PRKDC: variants seen among roughly 807,000 people sequenced by gnomAD.
PRKDC encodes protein kinase, DNA-activated, catalytic subunit.
A neutral mutation model predicts 486.9 loss-of-function variants in PRKDC; 82 were observed. The ratio of observed to expected loss-of-function variants is 0.17; its 90% CI spans 0.14 to 0.20. The LOEUF is 0.20. Ranked by LOEUF, PRKDC falls within the 10% of genes least tolerant of loss-of-function variation. The pLI, the probability that PRKDC is intolerant of heterozygous loss-of-function variation, is 1.00. For synonymous variants in PRKDC, 1,895 were observed against 1,837.0 expected (o/e 1.03, Z -0.81); for missense variants, 4,504 against 5,038.2 (o/e 0.89, Z 3.21).
intron 77 of PRKDC, among the ~76,000 whole-genome samples, chr8:47,784,421 G>A (rs1158343779): frequency 6.6e-6 from 1 of 152,032 alleles, no homozygotes; most frequent in Non-Finnish European, 1.5e-5. Flanking sequence ...ACATTTAAAT[G>A]TTTTTCTTGA....
intron 40 of PRKDC, among the ~76,000 whole-genome samples, chr8:47,872,740 A>T (rs934247694): frequency 6.6e-6 from 1 of 152,206 alleles, no homozygotes; most frequent in African/African-American, 2.4e-5. Context: ...AGAGGATATA[A>T]CAATTGTAAA....
rs1206154867 is a variant in PRKDC, at chr8:47,849,147, C to T, written c.7280+7G>A. On this transcript the variant is annotated splice_region_variant and intron_variant, in intron 54 of 85. Coordinates refer to ENST00000314191, the MANE Select transcript of PRKDC (RefSeq NM_006904.7). Reference sequence around the variant, plus strand: ...GGGACCCAAGAGCAGGGCTAGTGTTCACTCACCTATGTCTCATGACTTGAA... The same window carrying T: ...GGGACCCAAGAGCAGGGCTAGTGTTTACTCACCTATGTCTCATGACTTGAA... 2 of 1,613,522 alleles carry T rather than the reference C, an allele frequency of 1.2e-6. No individual in the cohort carries two copies. Among genetic ancestry groups the T allele is most frequent in the Non-Finnish European group, 1.7e-6 (2 of 1,179,698 alleles).
chr8:47,895,530 C>G (rs766964972), intron 30 of PRKDC, among the ~76,000 whole-genome samples: 11 of 152,144 alleles, frequency 7.2e-5, no homozygotes, highest in Admixed American at 1.3e-4. Context: ...CTACCAGAGT[C>G]ACAGACTCAA....
intron 80 of PRKDC, 43 bp from the exon 81 acceptor site, chr8:47,779,136 G>T: frequency 7.1e-7 from 1 of 1,402,884 alleles, no homozygotes; most frequent in South Asian, 1.3e-5. Context: ...GAAGATTTTA[G>T]CATTATGTGA....
At chr8:47,937,956 G>T (rs2090381791) in intron 11 of PRKDC, among the ~76,000 whole-genome samples, 1 of 152,090 alleles carries the variant, frequency 6.6e-6, no homozygotes, top group Non-Finnish European at 1.5e-5. Context: ...CTCTACGAAA[G>T]ATTAAAAAAT....
chr8:47,778,681 T>G (rs369667998), intron 82 of PRKDC, 21 bp from the exon 83 acceptor site: 6 of 1,613,202 alleles, frequency 3.7e-6, no homozygotes, highest in Non-Finnish European at 4.2e-6. Flanking sequence ...GACACAGCTG[T>G]GCGGCTGCTG....
chr8:47,855,225 T>C lies in PRKDC; in HGVS notation c.6758A>G (p.Tyr2253Cys), dbSNP rs1346994675. ...ECWKDCLSIP[Y>C]RLIFEKFSGK... ...CTGCAAAAACCAGTAAACATACCTATAAGGGATGGATAAACAATCCTTCCA... is the reference window on the plus strand; with the variant it reads ...CTGCAAAAACCAGTAAACATACCTACAAGGGATGGATAAACAATCCTTCCA... Residue 2253 changes from tyrosine (Y) to cysteine (C), a missense_variant, in exon 50 of 86, where the codon TAT becomes TGT. Coordinates refer to ENST00000314191, the MANE Select transcript of PRKDC (RefSeq NM_006904.7). 3 of 1,599,904 alleles carry C rather than the reference T, an allele frequency of 1.9e-6. No individual in the cohort carries two copies. Among genetic ancestry groups the C allele is most frequent in the East Asian group, 2.2e-5 (1 of 44,676 alleles).
At chr8:47,958,011 T>G (rs182960337) in intron 1 of PRKDC, among the ~76,000 whole-genome samples, 1 of 152,238 alleles carries the variant, frequency 6.6e-6, no homozygotes, top group African/African-American at 2.4e-5. Context: ...CAAAAGGAAA[T>G]TGAGCTTGCA....
chr8:47,883,785 T>C (rs2089272926), intron 36 of PRKDC, among the ~76,000 whole-genome samples: 1 of 152,266 alleles, frequency 6.6e-6, no homozygotes, highest in South Asian at 2.1e-4. Flanking sequence ...CAGCTTACAT[T>C]TCCATCTCAC....
intron 69 of PRKDC, among the ~76,000 whole-genome samples, chr8:47,806,478 T>A (rs1589709647): frequency 6.6e-6 from 1 of 152,204 alleles, no homozygotes; most frequent in African/African-American, 2.4e-5. Flanking sequence ...AATCTATAAA[T>A]GAGCATTTAA....
At chr8:47,957,083 C>A in intron 3 of PRKDC, 88 bp downstream of exon 3, 10 of 830,134 alleles carry the variant, frequency 1.2e-5, no homozygotes, top group East Asian at 6.3e-5. Context: ...AATGTTTTAT[C>A]TTTAAAATAA....
At chr8:47,891,817 G>A (rs986415509) in intron 31 of PRKDC, among the ~76,000 whole-genome samples, 2 of 152,110 alleles carry the variant, frequency 1.3e-5, no homozygotes, top group Admixed American at 6.5e-5. Context: ...GTTAAATATG[G>A]GAAAATGTAC....
At chr8:47,810,199 G>A (rs2087298999) in intron 68 of PRKDC, among the ~76,000 whole-genome samples, 1 of 152,204 alleles carries the variant, frequency 6.6e-6, no homozygotes. Context: ...CTACACAAGA[G>A]AATCCAGTAG....
intron 21 of PRKDC, among the ~76,000 whole-genome samples, chr8:47,926,083 A>G (rs59852632): frequency 0.034 from 5,219 of 152,316 alleles, 247 homozygotes; most frequent in African/African-American, 0.11. Flanking sequence ...AAACTTTTCA[A>G]TGAGTTAACA....
chr8:47,844,845 C>G (rs923926626), intron 54 of PRKDC, among the ~76,000 whole-genome samples: 4 of 152,030 alleles, frequency 2.6e-5, no homozygotes, highest in Non-Finnish European at 5.9e-5. Flanking sequence ...TTAAGGAAAA[C>G]AGGGACACTA....
intron 67 of PRKDC, among the ~76,000 whole-genome samples, chr8:47,819,005 T>C (rs1275960987): frequency 6.6e-6 from 1 of 152,172 alleles, no homozygotes; most frequent in Non-Finnish European, 1.5e-5. Flanking sequence ...GCCCTCAGCG[T>C]GCACCTCAGG....
chr8:47,936,880 C>A (rs1174937454), intron 11 of PRKDC, among the ~76,000 whole-genome samples: 1 of 150,792 alleles, frequency 6.6e-6, no homozygotes, highest in Non-Finnish European at 1.5e-5. Flanking sequence ...CCACCTCAGC[C>A]TCCCAAAGTG....
chr8:47,800,934 G>A lies in PRKDC; in HGVS notation c.9975C>T (p.Asp3325=). Residue 3325 remains aspartate (D), a synonymous_variant, in exon 71 of 86, where the codon GAC becomes GAT. Transcript: ENST00000314191. ...YLSKNILAFR[D]QNILLGTTYR... The stretch of plus-strand genomic sequence containing the variant: ...AAGTTGTACCCAAGAGAATGTTCTG[G>A]TCACGGAAAGCCAGAATATTTTTGC... 1 of 1,613,904 alleles carries A rather than the reference G, an allele frequency of 6.2e-7. No homozygotes were observed.
At chr8:47,849,004 T>C in intron 54 of PRKDC, 150 bp downstream of exon 54, 4 of 1,044,174 alleles carry the variant, frequency 3.8e-6, no homozygotes, top group Non-Finnish European at 5.4e-6. Flanking sequence ...ATCCTATTCT[T>C]ATGGTGCCTT....
Sources: gnomAD v4.1 joint callset for allele counts (sites outside exome capture counted in the v4.1 genomes callset) on GRCh38, gnomAD v4.1.1 for gene constraint, MANE v1.5 for transcripts, NCBI Gene and HGNC (gene_info 2026-07-23, HGNC 2026-07-21) for gene names.